ELP4: variants seen among roughly 807,000 people sequenced by gnomAD.
The protein encoded by ELP4 is elongator complex protein 4.
Under a neutral mutation model 48.9 loss-of-function variants are expected in ELP4, and 51 were observed. The observed-to-expected ratio is 1.04, with a 90% CI of 0.83 to 1.32. The LOEUF (loss-of-function observed/expected upper bound fraction) is 1.32. Among genes scored for constraint, ELP4 ranks in the 40% most tolerant of loss-of-function variants. ELP4 has a pLI of 0.00. For missense variants in ELP4, 519 were observed against 514.6 expected, an observed-to-expected ratio of 1.01 and a Z score of -0.08; for synonymous variants, 210 against 189.2, an observed-to-expected ratio of 1.11 and a Z score of -0.90.
At chr11:31,714,889 T>C (rs1227449694) in intron 9 of ELP4, 1 of 398,010 alleles carries the variant, frequency 2.5e-6, no homozygotes, top group Admixed American at 4.4e-5. Context: ...AAGATCTTCC[T>C]ATTTTAAGGT....
intron 2 of ELP4, among the ~76,000 whole-genome samples, chr11:31,533,540 G>A (rs1276268430): frequency 6.6e-6 from 1 of 151,412 alleles, no homozygotes; most frequent in African/African-American, 2.4e-5. Context: ...ATCAAGCCCG[G>A]CTAATTTTTT....
intron 9 of ELP4, chr11:31,707,027 T>C: frequency 5.0e-6 from 2 of 398,486 alleles, no homozygotes; most frequent in East Asian, 3.6e-5. Context: ...TCGTGAATAG[T>C]GCTGCAGTAG....
intron 3 of ELP4, among the ~76,000 whole-genome samples, chr11:31,546,289 G>T (rs924238635): frequency 1.3e-5 from 2 of 151,930 alleles, no homozygotes; most frequent in Admixed American, 6.6e-5. Context: ...GATGGAGGAA[G>T]ATCTACCAAG....
intron 4 of ELP4, chr11:31,599,522 C>CACA (rs1350916176): frequency 3.2e-5 from 4 of 126,628 alleles, no homozygotes; most frequent in African/African-American, 1.4e-4. Context: ...CACACACACA[C>CACA]AAAAAAAAAA....
At chr11:31,570,930 G>A (rs1423866390) in intron 3 of ELP4, among the ~76,000 whole-genome samples, 1 of 148,632 alleles carries the variant, frequency 6.7e-6, no homozygotes, top group African/African-American at 2.5e-5. Context: ...TTCCCAAGTA[G>A]CTGGGACTAC....
chr11:31,739,509 T>G (rs1278079110), intron 9 of ELP4, among the ~76,000 whole-genome samples: 3 of 152,222 alleles, frequency 2.0e-5, no homozygotes, highest in African/African-American at 7.2e-5. Context: ...CCAGTGTTTT[T>G]TGTTGGTGTG....
rs1957645295 is a variant in ELP4 at position 31,594,822 on chromosome 11, A to G, written c.434A>G (p.Asp145Gly). The G allele has an allele frequency of 1.3e-6, 2 of 1,547,664 alleles. No homozygotes were observed. Among genetic ancestry groups the G allele is most frequent in the South Asian group, 1.3e-5 (1 of 77,250 alleles). The change falls in exon 4 of 10, where the codon GAT becomes GGT. Residue 145 changes from aspartate to glycine, a missense_variant. Coordinates refer to ENST00000640961, the MANE Select transcript of ELP4 (RefSeq NM_019040.5). ...AAATGTAAAAAGGAATTTGATGAAG[A>G]TGTATACAATCATAAAACACCAGAA... ...DDKCKKEFDE[D>G]VYNHKTPESN...
At chr11:31,652,073 G>A (rs938421012) in intron 9 of ELP4, 1 of 151,722 alleles carries the variant, frequency 6.6e-6, no homozygotes, top group East Asian at 1.9e-4. Flanking sequence ...TCCCACTATG[G>A]TAAACTAAGA....
Position 31,544,836 on chromosome 11 carries a change from G to A in ELP4, c.381+5053G>A, listed in dbSNP as rs570509447. Among the ~76,000 whole-genome samples the A allele has an allele frequency of 4.6e-5, 7 of 152,244 alleles. No individual in the cohort carries two copies. The East Asian group carries it at 7.7e-4, about 17-fold the overall frequency. Reference sequence around the variant, plus strand: ...GAGGAACGATCAGACAGCAGCATTCGCGGTTCACGAAAAACCACTGTTCTG... The same window carrying A: ...GAGGAACGATCAGACAGCAGCATTCACGGTTCACGAAAAACCACTGTTCTG... On this transcript the variant is annotated intron_variant, in intron 3 of 9. Coordinates refer to ENST00000640961, the MANE Select transcript of ELP4 (RefSeq NM_019040.5).
intron 9 of ELP4, among the ~76,000 whole-genome samples, chr11:31,754,595 G>A (rs767867270): frequency 1.3e-5 from 2 of 152,058 alleles, no homozygotes; most frequent in Non-Finnish European, 2.9e-5. Context: ...CCCAGGCTGG[G>A]CATGCTGGCT....
intron 8 of ELP4, chr11:31,648,715 T>C (rs867505669): frequency 2.0e-5 from 3 of 151,736 alleles, no homozygotes; most frequent in Middle Eastern, 3.4e-3. Context: ...TATGAGCTTA[T>C]GCATTTTGTA....
At chr11:31,702,702 T>C (rs2134159166) in intron 9 of ELP4, among the ~76,000 whole-genome samples, 1 of 152,280 alleles carries the variant, frequency 6.6e-6, no homozygotes, top group South Asian at 2.1e-4. Flanking sequence ...TATATGTTAG[T>C]TTTACTGTGT....
chr11:31,641,815 A>G (rs1173779355), intron 7 of ELP4, among the ~76,000 whole-genome samples: 2 of 151,982 alleles, frequency 1.3e-5, no homozygotes, highest in African/African-American at 4.8e-5. Context: ...GATTATTCTA[A>G]GCTGATTTTA....
chr11:31,528,537 A>G (rs1055363903), intron 2 of ELP4, among the ~76,000 whole-genome samples: 2 of 152,150 alleles, frequency 1.3e-5, no homozygotes, highest in Non-Finnish European at 1.5e-5. Flanking sequence ...TTAACGGGTT[A>G]TGCTTAGACT....
chr11:31,587,768 G>T (rs559229794), intron 3 of ELP4, among the ~76,000 whole-genome samples: 2 of 151,940 alleles, frequency 1.3e-5, no homozygotes, highest in African/African-American at 4.8e-5. Flanking sequence ...ATGATTGTCC[G>T]CAGGGGGTTT....
chr11:31,675,875 A>T (rs900678758), intron 9 of ELP4, among the ~76,000 whole-genome samples: 1 of 152,014 alleles, frequency 6.6e-6, no homozygotes. Context: ...AACAGTTTTT[A>T]CCACCTCCAA....
At chr11:31,559,918 A>AAG (rs1554960271) in intron 3 of ELP4, among the ~76,000 whole-genome samples, 1 of 151,728 alleles carries the variant, frequency 6.6e-6, no homozygotes, top group African/African-American at 2.4e-5. Context: ...AAAAAAAAAA[A>AAG]AAAGGCAAAT....
intron 9 of ELP4, among the ~76,000 whole-genome samples, chr11:31,665,655 C>CTTTTTTTTTTTT (rs71060496): frequency 1.3e-5 from 1 of 79,680 alleles, no homozygotes; most frequent in African/African-American, 4.2e-5. Context: ...GTCTCTCTTC[C>CTTTTTTTTTTTT]TTTTTTTTTT....
At chr11:31,697,518 C>G (rs1946435722) in intron 9 of ELP4, among the ~76,000 whole-genome samples, 1 of 152,042 alleles carries the variant, frequency 6.6e-6, no homozygotes, top group South Asian at 2.1e-4. Flanking sequence ...AACGGGCCAC[C>G]TCCTTCATTT....
Sources: allele counts gnomAD v4.1 joint callset (sites outside exome capture counted in the v4.1 genomes callset), GRCh38; gene constraint gnomAD v4.1.1; transcripts MANE v1.5; gene names NCBI Gene and HGNC (gene_info 2026-07-23, HGNC 2026-07-21).